The following NPHS1 variants were observed in gnomAD, a reference collection of about 807,000 sequenced individuals.
NPHS1 encodes the protein NPHS1 adhesion molecule, nephrin.
Under a neutral mutation model 139.7 loss-of-function variants are expected in NPHS1, and 107 were observed. That is an observed-to-expected ratio of 0.77 (90% CI 0.66 to 0.90). The LOEUF is 0.90. NPHS1 is among the 40% of genes least tolerant of loss of function. The probability of loss-of-function intolerance (pLI) is 0.00; values close to 1 mark genes in which losing one functional copy is unlikely to be tolerated. For synonymous variants in NPHS1, 707 were observed against 706.6 expected, an observed-to-expected ratio of 1.00 and a Z score of -0.01; for missense variants, 1,580 against 1,654.2, an observed-to-expected ratio of 0.96 and a Z score of 0.78.
chr19:35,843,704 G>T, intron 16 of NPHS1, 111 bp from the exon 17 acceptor site: 1 of 1,389,468 alleles, frequency 7.2e-7, no homozygotes, highest in Non-Finnish European at 1.0e-6. Flanking sequence ...TTATGGGTGT[G>T]GACACAATCT....
chr19:35,836,735 C>T (rs376793585), intron 22 of NPHS1, among the ~76,000 whole-genome samples: 17 of 152,000 alleles, frequency 1.1e-4, no homozygotes, highest in Middle Eastern at 3.4e-3. Flanking sequence ...TGGCACACGT[C>T]TGTAATCCCA....
rs139509052 is a variant in NPHS1, at chr19:35,848,652, C to T, written c.1155G>A (p.Glu385=). The change falls in exon 9 of 29, where the codon GAG becomes GAA. Residue 385 remains glutamate (E), a synonymous_variant. Transcript: ENST00000378910. ...CCCGCCTCACATCCATGACTGTCTC[C>T]TCCATGGGCAGCAGCTGCCGCCAGC... ...WLGWRQLLPM[E]ETVMDGLHGG... 2.4e-5 allele frequency: 38 copies of T among 1,613,926 alleles called. No individual in the cohort carries two copies. The African/African-American group carries it at 4.5e-4, about 19-fold the overall frequency.
chr19:35,849,089 C>T lies in NPHS1; in HGVS notation c.899G>A (p.Ser300Asn), dbSNP rs560697115. The change falls in exon 8 of 29, where the codon AGT becomes AAT. Residue 300 changes from serine to asparagine, a missense_variant. Ser to Asn is a conservative substitution (Grantham distance 46). Transcript: ENST00000378910. The stretch of plus-strand genomic sequence containing the variant: ...TGGCCTCACGGTCATCACCAGCACA[C>T]TGCGGGCCACCGCCTGGGTGTGCTC... ...GTEHTQAVARSVLVMTVRPED... is the reference protein window; with the variant it reads ...GTEHTQAVARNVLVMTVRPED... 29 of 1,609,990 alleles carry T rather than the reference C, an allele frequency of 1.8e-5. No individual in the cohort carries two copies. The South Asian group carries it at 3.1e-4, about 17-fold the overall frequency.
intron 20 of NPHS1, 141 bp from the exon 21 acceptor site, chr19:35,839,748 G>T (rs752199292): frequency 8.0e-5 from 58 of 726,856 alleles, no homozygotes; most frequent in Non-Finnish European, 1.3e-4. Context: ...TAAGGTCATG[G>T]TGAACACTGC....
In NPHS1 at chr19:35,842,243, CTTAG is replaced by C. The variant is rs1244884053; in HGVS notation, c.2540_2543del (p.Thr847ArgfsTer57). 6.2e-6 allele frequency: 10 copies of C among 1,613,232 alleles called. No individual in the cohort carries two copies. The highest frequency in any genetic ancestry group is 1.7e-5 in the Admixed American group (1 of 59,934). Reference sequence around the variant, plus strand: ...TGGTGCTGTCTCCAGCTGCAGCCACCTTAGTTAGGGGAGTGGGGTGCTCCACCTG... The same window carrying C: ...TGGTGCTGTCTCCAGCTGCAGCCACCTTAGGGGAGTGGGGTGCTCCACCTG... On this transcript the variant is annotated frameshift_variant, in exon 19 of 29. Coordinates refer to ENST00000378910, the MANE Select transcript of NPHS1 (RefSeq NM_004646.4). LOFTEE classifies it high-confidence loss of function.
In NPHS1 at chr19:35,831,716, C is replaced by A; in HGVS notation, c.3213G>T (p.Gly1071=). Reference sequence around the variant, plus strand: ...AGGAGGCATTGGAGAGGAGCAGAAGCCCCCCAAGAGCGAACAGCACAGGCA... The same window carrying A: ...AGGAGGCATTGGAGAGGAGCAGAAGACCCCCAAGAGCGAACAGCACAGGCA... The part of the protein sequence containing the change: ...PLLPVLFALG[G]LLLLSNASCV... The change falls in exon 24 of 29, where the codon GGG becomes GGT. Residue 1071 remains glycine, a synonymous_variant. Transcript: ENST00000378910. 6.3e-7 allele frequency: 1 copy of A among 1,594,502 alleles called. No homozygotes were observed. Among genetic ancestry groups the A allele is most frequent in the African/African-American group, 1.3e-5 (1 of 74,320 alleles).
Position 35,845,340 on chromosome 19 carries a change from A to C in NPHS1, c.1930+28T>G. The C allele has an allele frequency of 6.2e-7, 1 of 1,613,824 alleles. No individual in the cohort carries two copies. ...GTAGTTTAGGGTCAAGAAGGCATCG[A>C]GAGGGGCTTTCAGGCCGGGGCACAT... On this transcript the variant is annotated intron_variant, in intron 14 of 28. Transcript: ENST00000378910. The surrounding 1 kb of genome is among the most constrained non-coding windows in gnomAD (Gnocchi z 5.5).
chr19:35,834,650 G>A (rs1972930193), intron 23 of NPHS1, among the ~76,000 whole-genome samples: 1 of 152,108 alleles, frequency 6.6e-6, no homozygotes, highest in African/African-American at 2.4e-5. Context: ...CCAGCACTTT[G>A]GGAGGCTGAG....
At chr19:35,846,908 C>T (rs1003334952) in intron 11 of NPHS1, among the ~76,000 whole-genome samples, 1 of 152,172 alleles carries the variant, frequency 6.6e-6, no homozygotes, top group African/African-American at 2.4e-5. Flanking sequence ...CCAGGATTCT[C>T]CTAGAATTCT....
intron 3 of NPHS1, 74 bp from the exon 4 acceptor site, chr19:35,851,163 T>C: frequency 6.2e-7 from 1 of 1,612,964 alleles, no homozygotes; most frequent in East Asian, 2.2e-5. Flanking sequence ...GTACCCAGAG[T>C]CTGGGAGAGG....
rs1973273450 is a variant in NPHS1 at position 35,851,833 on chromosome 19, G to A, written c.5C>T (p.Ala2Val). 1 of 1,551,354 alleles carries A rather than the reference G, an allele frequency of 6.4e-7. No individual in the cohort carries two copies. The highest frequency in any genetic ancestry group is 8.7e-7 in the Non-Finnish European group (1 of 1,147,164). The change falls in exon 1 of 29, where the codon GCC becomes GTC. Residue 2 changes from alanine (A) to valine (V), a missense_variant. By Grantham distance (64) the Ala-to-Val change is moderately conservative. Coordinates refer to ENST00000378910, the MANE Select transcript of NPHS1 (RefSeq NM_004646.4). ...AGAAGCCCTGAGCGTCGTCCCCAGG[G>A]CCATCACAGGTCCCCCTACTGTGAC... is the stretch of plus-strand genomic sequence containing the variant. M[A>V]LGTTLRASLL...
Position 35,842,278 on chromosome 19 carries a change from C to A in NPHS1, c.2509G>T (p.Ala837Ser), listed in dbSNP as rs150623032. 4 of 1,612,278 alleles carry A rather than the reference C, an allele frequency of 2.5e-6. No homozygotes were observed. The highest frequency in any genetic ancestry group is 2.7e-5 in the African/African-American group (2 of 74,888). The change falls in exon 19 of 29, where the codon GCC becomes TCC. Residue 837 changes from alanine (A) to serine (S), a missense_variant and splice_region_variant. By Grantham distance (99) the Ala-to-Ser change is moderately conservative. Transcript: ENST00000378910. ...GGAGTGGGGTGCTCCACCTGGGGGG[C>A]AACTGGGAGGGGATGGGCAGTCAAC... Reference protein sequence around the residue: ...RRLLRLVVRFAPQVEHPTPLT... With the variant: ...RRLLRLVVRFSPQVEHPTPLT...
At position 35,850,445 on chromosome 19, in the gene NPHS1, C is replaced by T. The variant is rs1290614551; in HGVS notation, c.527G>A (p.Ser176Asn). Reference protein sequence around the residue: ...KPAPDITILLSGQTISDISAN... With the variant: ...KPAPDITILLNGQTISDISAN... ...AGAGATGTCAGATATTGTCTGTCCA[C>T]CTTGGGGCAGCAAGAGGGCTAGAGG... Residue 176 changes from serine (S) to asparagine (N), a missense_variant and splice_region_variant, in exon 5 of 29, where the codon AGT becomes AAT. By Grantham distance (46) the Ser-to-Asn change is conservative. Transcript: ENST00000378910. The T allele has an allele frequency of 1.2e-6, 2 of 1,614,006 alleles. No homozygotes were observed. Among genetic ancestry groups the T allele is most frequent in the African/African-American group, 2.7e-5 (2 of 75,022 alleles).
At chr19:35,833,318 C>T (rs1051766846) in intron 23 of NPHS1, among the ~76,000 whole-genome samples, 3 of 152,144 alleles carry the variant, frequency 2.0e-5, no homozygotes, top group African/African-American at 4.8e-5. Flanking sequence ...TCTCCCCTGT[C>T]TTCTACTAAT....
rs1325313145 is a variant in NPHS1 at position 35,844,456 on chromosome 19, C to T, written c.1934G>A (p.Arg645His). The T allele has an allele frequency of 2.5e-6, 4 of 1,576,192 alleles. No homozygotes were observed. The highest frequency in any genetic ancestry group is 3.4e-6 in the Non-Finnish European group (4 of 1,162,664). The part of the protein sequence containing the change: ...SSFYRLNVLY[R>H]PEFLGEQVLV... Reference sequence around the variant, plus strand: ...CACCTGCTCCCCCAGGAACTCTGGACGGTCTTCAGAGGGGGCGCCGCAGGG... The same window carrying T: ...CACCTGCTCCCCCAGGAACTCTGGATGGTCTTCAGAGGGGGCGCCGCAGGG... Residue 645 changes from arginine (R) to histidine (H), a missense_variant, in exon 15 of 29, where the codon CGT becomes CAT. Arg to His is a conservative substitution (Grantham distance 29, BLOSUM62 0). Transcript: ENST00000378910.
rs557237276 is a variant in NPHS1 at position 35,843,715 on chromosome 19, G to A, written c.2213-122C>T. 16 of 1,262,628 alleles carry A rather than the reference G, an allele frequency of 1.3e-5. No individual in the cohort carries two copies. In the South Asian group the frequency reaches 2.2e-4, roughly 17 times the overall value. The allele number at this position is 1,262,628 out of a possible 1,614,324, so 78.2% of individuals were successfully genotyped here. A position where few individuals can be genotyped will look rare whatever the true frequency, so the allele number is the denominator to read the frequency against. Reference sequence around the variant, plus strand: ...AAAGTTATGGGTGTGGACACAATCTGCCCTTAATACCAAAGGGTTGGAGGA... The same window carrying A: ...AAAGTTATGGGTGTGGACACAATCTACCCTTAATACCAAAGGGTTGGAGGA... On this transcript the variant is annotated intron_variant, in intron 16 of 28. Transcript: ENST00000378910.
In NPHS1 at chr19:35,843,994, T is replaced by A. The variant is rs1248104151; in HGVS notation, c.2212+109A>T. 3.4e-6 allele frequency: 5 copies of A among 1,466,232 alleles called. No homozygotes were observed. In the African/African-American group the frequency reaches 5.5e-5, roughly 16 times the overall value. 90.8% of individuals were successfully genotyped at this position (1,466,232 alleles called of 1,614,324 possible). A position where few individuals can be genotyped will look rare whatever the true frequency, so the allele number is the denominator to read the frequency against. ...GCTGGGACTTCCAGAACGGGAGGGT[T>A]CCAGGATGGGTGGCTATCCCTGGGT... On this transcript the variant is annotated intron_variant, in intron 16 of 28. Coordinates refer to ENST00000378910, the MANE Select transcript of NPHS1 (RefSeq NM_004646.4).
rs1973117932 is a variant in NPHS1, at chr19:35,845,246, A to G, written c.1930+122T>C. 8.6e-7 allele frequency: 1 copy of G among 1,164,474 alleles called. No homozygotes were observed. The highest frequency in any genetic ancestry group is 1.3e-6 in the Non-Finnish European group (1 of 795,508). 72.1% of individuals were successfully genotyped at this position (1,164,474 alleles called of 1,614,324 possible). The stretch of plus-strand genomic sequence containing the variant: ...GATTGCGTCACTGCATTGCAGCCTG[A>G]GCGACAAAAAATGAAAGAGAGAGAG... On this transcript the variant is annotated intron_variant, in intron 14 of 28. Transcript: ENST00000378910. This position sits in a 1 kb window ranked among gnomAD's most constrained non-coding sequence, Gnocchi z 5.5.
rs2073901 is a variant in NPHS1, at chr19:35,843,583, G to A, written c.2223C>T (p.Thr741=). 3.6e-3 allele frequency: 5,781 copies of A among 1,614,032 alleles called. 156 individuals are homozygous for A. The East Asian group carries it at 0.071, about 20-fold the overall frequency. Reference sequence around the variant, plus strand: ...CAGTGGGGTCCTGGAGGGCACGGATGGTGGGAGCATCTGGTGGAAGGCAGA... The same window carrying A: ...CAGTGGGGTCCTGGAGGGCACGGATAGTGGGAGCATCTGGTGGAAGGCAGA... ...RLRLDVHYAP[T]IRALQDPTEV... Residue 741 remains threonine (T), a synonymous_variant, in exon 17 of 29, where the codon ACC becomes ACT. Transcript: ENST00000378910.
Sources: allele counts gnomAD v4.1 joint callset (sites outside exome capture counted in the v4.1 genomes callset), GRCh38; gene constraint gnomAD v4.1.1; non-coding constraint Gnocchi (gnomAD v3.1); transcripts MANE v1.5; gene names NCBI Gene and HGNC (gene_info 2026-07-23, HGNC 2026-07-21).